Variants in MBOAT2 observed in about 807,000 individuals in gnomAD.
MBOAT2 encodes the protein membrane-bound glycerophospholipid O-acyltransferase 2.
Under a neutral mutation model 63.4 loss-of-function variants are expected in MBOAT2, and 28 were observed. The observed-to-expected ratio is 0.44, with a 90% CI of 0.33 to 0.61. The LOEUF is 0.61. Among genes scored for constraint, MBOAT2 ranks in the 20% least tolerant of loss-of-function variants. The pLI is 0.03. For synonymous variants in MBOAT2, 211 were observed against 215.6 expected, an observed-to-expected ratio of 0.98 and a Z score of 0.19; for missense variants, 470 against 605.8, an observed-to-expected ratio of 0.78 and a Z score of 2.35.
intron 12 of MBOAT2, among the ~76,000 whole-genome samples, chr2:8,859,614 A>G (rs780051401): frequency 5.9e-5 from 9 of 152,222 alleles, no homozygotes; most frequent in Non-Finnish European, 1.2e-4. Flanking sequence ...GTCTTCCTGT[A>G]TAATTATTGT....
intron 1 of MBOAT2, among the ~76,000 whole-genome samples, chr2:8,968,739 CTTCAGTAGCCAA>C (rs1484739324): frequency 6.6e-6 from 1 of 152,142 alleles, no homozygotes; most frequent in Non-Finnish European, 1.5e-5. Context: ...AATGCACAAG[CTTCAGTAGCCAA>C]TTCGAACAAC....
intron 5 of MBOAT2, among the ~76,000 whole-genome samples, chr2:8,884,910 TA>T (rs1156739665): frequency 6.6e-6 from 1 of 152,208 alleles, no homozygotes; most frequent in African/African-American, 2.4e-5. Context: ...TATCATTTTT[TA>T]AAGCTAGAAG....
chr2:8,975,446 T>G (rs1489977094), intron 1 of MBOAT2, among the ~76,000 whole-genome samples: 2 of 152,086 alleles, frequency 1.3e-5, no homozygotes, highest in Non-Finnish European at 2.9e-5. Context: ...TACCAATCCC[T>G]GAGTGGAAGG....
chr2:8,881,473 A>T (rs1481219120), intron 6 of MBOAT2, among the ~76,000 whole-genome samples: 1 of 152,178 alleles, frequency 6.6e-6, no homozygotes, highest in Non-Finnish European at 1.5e-5. Flanking sequence ...CCAGTCAGCA[A>T]GACAGTGTTT....
rs182172674 is a variant in MBOAT2, at chr2:8,854,106, T to G, written c.*4573A>C. The stretch of plus-strand genomic sequence containing the variant: ...GTGGAAAATTTCATTTTAAAATTTC[T>G]GTTGTAATCAGAGTTTCTATAAATA... On this transcript the variant is annotated 3_prime_UTR_variant, in exon 13 of 13. Transcript: ENST00000305997. The G allele has an allele frequency of 2.7e-4, 41 of 152,356 alleles. 1 individual carries two copies. In the East Asian group the frequency reaches 6.0e-3, roughly 22 times the overall value. The allele number at this position is 152,356 out of a possible 1,614,324, so 9.4% of individuals were successfully genotyped here. A position where few individuals can be genotyped will look rare whatever the true frequency, so the allele number is the denominator to read the frequency against.
intron 3 of MBOAT2, among the ~76,000 whole-genome samples, chr2:8,914,100 T>A (rs547813218): frequency 6.6e-6 from 1 of 152,224 alleles, no homozygotes; most frequent in Non-Finnish European, 1.5e-5. Flanking sequence ...TATGTTCTGA[T>A]ATGTGGGAGC....
At chr2:8,922,659 C>T (rs1231527914) in intron 3 of MBOAT2, among the ~76,000 whole-genome samples, 1 of 152,194 alleles carries the variant, frequency 6.6e-6, no homozygotes, top group Non-Finnish European at 1.5e-5. Flanking sequence ...GCTCAAACAC[C>T]CGAAGCCAGT....
intron 3 of MBOAT2, among the ~76,000 whole-genome samples, chr2:8,939,616 C>A (rs1248747434): frequency 6.6e-6 from 1 of 152,180 alleles, no homozygotes; most frequent in Non-Finnish European, 1.5e-5. Context: ...ACCCTCCACA[C>A]CACACAGGTC....
Position 8,862,200 on chromosome 2 carries a change from C to T in MBOAT2, c.1185+390G>A. ...GCTCATCCACTGTCTTGGCCTCGCACAGCCTAGTCTTCATCTGAGAGAGGA... is the reference window on the plus strand; with the variant it reads ...GCTCATCCACTGTCTTGGCCTCGCATAGCCTAGTCTTCATCTGAGAGAGGA... On this transcript the variant is annotated intron_variant, in intron 11 of 12. Transcript: ENST00000305997. The surrounding 1 kb of genome is among the most constrained non-coding windows in gnomAD (Gnocchi z 4.3). 3 of 918,852 alleles carry T rather than the reference C, an allele frequency of 3.3e-6. No individual in the cohort carries two copies. Among genetic ancestry groups the T allele is most frequent in the Non-Finnish European group, 2.9e-6 (2 of 688,010 alleles). 56.9% of individuals were successfully genotyped at this position (918,852 alleles called of 1,614,324 possible). A position where few individuals can be genotyped will look rare whatever the true frequency, so the allele number is the denominator to read the frequency against.
At chr2:8,866,214 A>T (rs1332699294) in intron 9 of MBOAT2, among the ~76,000 whole-genome samples, 2 of 152,144 alleles carry the variant, frequency 1.3e-5, no homozygotes, top group East Asian at 1.9e-4. Context: ...TATCGCCCCC[A>T]GGAGATGAAA....
intron 2 of MBOAT2, among the ~76,000 whole-genome samples, chr2:8,947,247 A>G (rs1668483103): frequency 6.6e-6 from 1 of 152,224 alleles, no homozygotes; most frequent in Non-Finnish European, 1.5e-5. Context: ...TAGGGTGGAG[A>G]GAGATGAAGC....
intron 1 of MBOAT2, among the ~76,000 whole-genome samples, chr2:8,998,951 T>G (rs1175729295): frequency 6.6e-6 from 1 of 152,238 alleles, no homozygotes; most frequent in African/African-American, 2.4e-5. Flanking sequence ...TTGAACTTTA[T>G]CTGACTTCAC....
intron 4 of MBOAT2, among the ~76,000 whole-genome samples, chr2:8,891,861 G>A (rs931644450): frequency 5.9e-5 from 9 of 152,256 alleles, no homozygotes; most frequent in South Asian, 2.1e-4. Flanking sequence ...TGGTATTACC[G>A]AAATTTCCTT....
At chr2:8,975,408 G>A (rs1369227761) in intron 1 of MBOAT2, among the ~76,000 whole-genome samples, 1 of 152,070 alleles carries the variant, frequency 6.6e-6, no homozygotes, top group Non-Finnish European at 1.5e-5. Flanking sequence ...GATGGCTTGG[G>A]AACAAATTTT....
rs1201979813 is a variant in MBOAT2, at chr2:8,866,064, ACC to A, written c.988-1832_988-1831del. On this transcript the variant is annotated intron_variant, in intron 9 of 12. Coordinates refer to ENST00000305997, the MANE Select transcript of MBOAT2 (RefSeq NM_138799.4). ...ATAAATAAATAAATAAATAAATAAA[ACC>A]ATAAATGATAAAGGCATTTATGTCC... Among the ~76,000 whole-genome samples the A allele has an allele frequency of 5.3e-4, 81 of 151,410 alleles. 1 individual carries two copies. Among genetic ancestry groups the A allele is most frequent in the African/African-American group, 1.5e-3 (60 of 40,898 alleles).
intron 1 of MBOAT2, among the ~76,000 whole-genome samples, chr2:9,001,388 A>C (rs759581769): frequency 7.2e-5 from 11 of 152,214 alleles, no homozygotes; most frequent in Non-Finnish European, 1.5e-4. Context: ...GTTTGTTTAC[A>C]CTGGCATCAC....
At position 8,855,199 on chromosome 2, in the gene MBOAT2, T is replaced by C. The variant is rs1265987469; in HGVS notation, c.*3480A>G. ...ATGACCATGACAATAGTGTGGACTG[T>C]GAATGTGCCCAAGTCCTTGAATCCT... On this transcript the variant is annotated 3_prime_UTR_variant, in exon 13 of 13. Coordinates refer to ENST00000305997, the MANE Select transcript of MBOAT2 (RefSeq NM_138799.4). The C allele has an allele frequency of 6.6e-6, 1 of 152,216 alleles. No individual in the cohort carries two copies. The highest frequency in any genetic ancestry group is 1.9e-4 in the East Asian group (1 of 5,188). The allele number at this position is 152,216 out of a possible 1,614,324, so 9.4% of individuals were successfully genotyped here.
intron 1 of MBOAT2, among the ~76,000 whole-genome samples, chr2:8,972,068 T>C (rs991809756): frequency 9.2e-5 from 14 of 152,310 alleles, no homozygotes; most frequent in Non-Finnish European, 1.9e-4. Flanking sequence ...AAGACAATCC[T>C]AAGCCAAAAG....
At chr2:8,975,881 A>G (rs1670782175) in intron 1 of MBOAT2, among the ~76,000 whole-genome samples, 1 of 151,374 alleles carries the variant, frequency 6.6e-6, no homozygotes, top group Admixed American at 6.6e-5. Flanking sequence ...AGAGAGATTT[A>G]TTTGGCATGC....
Sources: allele counts gnomAD v4.1 joint callset (sites outside exome capture counted in the v4.1 genomes callset), GRCh38; gene constraint gnomAD v4.1.1; non-coding constraint Gnocchi (gnomAD v3.1); transcripts MANE v1.5; gene names NCBI Gene and HGNC (gene_info 2026-07-23, HGNC 2026-07-21).